NHERF4: variants seen among roughly 807,000 people sequenced by gnomAD.
The protein encoded by NHERF4 is NHERF family PDZ scaffold protein 4.
chr11:119,189,071 G>A, the NHERF4 span: 10 of 1,614,000 alleles, frequency 6.2e-6, no homozygotes, highest in South Asian at 2.2e-5. This position sits in a 1 kb window ranked among gnomAD's most constrained non-coding sequence, Gnocchi z 5.8. Flanking sequence ...GGAAGTGAAC[G>A]GGTATCCTGT....
the NHERF4 span, chr11:119,189,667 G>A: frequency 1.4e-6 from 1 of 715,718 alleles, no homozygotes; most frequent in East Asian, 2.7e-5. The surrounding 1 kb of genome is among the most constrained non-coding windows in gnomAD (Gnocchi z 5.8). Flanking sequence ...CCAGCAGAGG[G>A]TGTGGTTGGA....
chr11:119,188,970 G>A, the NHERF4 span: 22 of 1,613,284 alleles, frequency 1.4e-5, no homozygotes, highest in Non-Finnish European at 1.6e-5. Context: ...ACTTTCCCCC[G>A]GTGTCCCCTG....
At chr11:119,188,717 G>A in the NHERF4 span, 1 of 1,614,180 alleles carries the variant, frequency 6.2e-7, no homozygotes, top group East Asian at 2.2e-5. Context: ...CAGCCTCACT[G>A]GTTGAGACAG....
the NHERF4 span, chr11:119,185,980 G>A: frequency 1.2e-6 from 2 of 1,613,990 alleles, no homozygotes; most frequent in South Asian, 1.1e-5. Context: ...TGGGGCAAGG[G>A]GAGGAAATAA....
the NHERF4 span, chr11:119,186,707 G>T: frequency 6.3e-7 from 1 of 1,583,546 alleles, no homozygotes; most frequent in South Asian, 1.1e-5. The surrounding 1 kb of genome is among the most constrained non-coding windows in gnomAD (Gnocchi z 4.4). Context: ...CTGTGGTCCA[G>T]GAGAGCATGC....
chr11:119,188,895 C>T, the NHERF4 span: 7 of 1,610,780 alleles, frequency 4.3e-6, no homozygotes, highest in Non-Finnish European at 5.9e-6. Context: ...GATCTTGAAT[C>T]CCTTCGATCC....
At chr11:119,189,652 A>G in the NHERF4 span, 29 of 767,178 alleles carry the variant, frequency 3.8e-5, no homozygotes, top group Non-Finnish European at 5.6e-5. The surrounding 1 kb of genome is among the most constrained non-coding windows in gnomAD (Gnocchi z 5.8). Context: ...CTGCAGGCCC[A>G]CCTGCCAGCA....
the NHERF4 span, chr11:119,186,759 C>T: frequency 5.7e-6 from 8 of 1,415,490 alleles, no homozygotes; most frequent in Middle Eastern, 2.0e-4. The surrounding 1 kb of genome is among the most constrained non-coding windows in gnomAD (Gnocchi z 4.4). Context: ...GTCCCCTGGG[C>T]AGTATGGCAG....
the NHERF4 span, chr11:119,189,823 G>T: frequency 2.4e-6 from 1 of 420,228 alleles, no homozygotes; most frequent in African/African-American, 2.0e-5. This position sits in a 1 kb window ranked among gnomAD's most constrained non-coding sequence, Gnocchi z 5.8. Context: ...ATGACTCCAG[G>T]ACCCTTGAGT....
At chr11:119,187,869 G>C in the NHERF4 span, 45 of 1,474,150 alleles carry the variant, frequency 3.1e-5, no homozygotes, top group Non-Finnish European at 4.0e-5. Context: ...TGGGAGGAGG[G>C]GCTGTGGGGG....
At chr11:119,187,601 A>T in the NHERF4 span, 13 of 1,585,600 alleles carry the variant, frequency 8.2e-6, no homozygotes, top group Non-Finnish European at 1.1e-5. Context: ...TAAGTACTGG[A>T]GGAGCAGCTG....
the NHERF4 span, chr11:119,186,681 CTA>C: frequency 1.9e-6 from 3 of 1,604,044 alleles, no homozygotes; most frequent in Admixed American, 1.7e-5. This position sits in a 1 kb window ranked among gnomAD's most constrained non-coding sequence, Gnocchi z 4.4. Context: ...AACACGAAGA[CTA>C]TGCGGTGGTA....
chr11:119,187,475 G>A, the NHERF4 span: 1 of 1,613,840 alleles, frequency 6.2e-7, no homozygotes, highest in Non-Finnish European at 8.5e-7. Context: ...CCCAGAGGGT[G>A]CGAGGGGGCG....
At chr11:119,188,683 C>T in the NHERF4 span, 31 of 1,614,152 alleles carry the variant, frequency 1.9e-5, no homozygotes, top group Non-Finnish European at 2.6e-5. Flanking sequence ...ACAGAGGCTC[C>T]CGCCTCGCCC....
the NHERF4 span, chr11:119,189,221 C>G: frequency 6.3e-7 from 1 of 1,597,052 alleles, no homozygotes; most frequent in East Asian, 2.2e-5. This position sits in a 1 kb window ranked among gnomAD's most constrained non-coding sequence, Gnocchi z 5.8. Flanking sequence ...GAAGAAGAAA[C>G]AGATGGGACT....
the NHERF4 span, chr11:119,185,552 A>G: frequency 6.3e-7 from 1 of 1,593,586 alleles, no homozygotes; most frequent in Non-Finnish European, 8.6e-7. Flanking sequence ...ACTTTGGGAC[A>G]GGCAGGGGGC....
chr11:119,188,794 A>G, the NHERF4 span: 1 of 1,614,002 alleles, frequency 6.2e-7, no homozygotes, highest in Admixed American at 1.7e-5. Flanking sequence ...TGCTTCCTGT[A>G]CCCTGGGCCT....
chr11:119,189,292 G>C, the NHERF4 span: 1 of 1,513,958 alleles, frequency 6.6e-7, no homozygotes, highest in East Asian at 2.3e-5. The surrounding 1 kb of genome is among the most constrained non-coding windows in gnomAD (Gnocchi z 5.8). Context: ...CGAGGTACAA[G>C]GTGAAGCCGT....
chr11:119,189,291 A>C, the NHERF4 span: 6 of 1,510,062 alleles, frequency 4.0e-6, no homozygotes, highest in Non-Finnish European at 5.4e-6. The surrounding 1 kb of genome is among the most constrained non-coding windows in gnomAD (Gnocchi z 5.8). Context: ...GCGAGGTACA[A>C]GGTGAAGCCG....
Sources: gnomAD v4.1 joint callset for allele counts on GRCh38, gnomAD v4.1.1 for gene constraint, Gnocchi (gnomAD v3.1) non-coding constraint, MANE v1.5 for transcripts, NCBI Gene and HGNC (gene_info 2026-07-23, HGNC 2026-07-21) for gene names.